Variants in CNOT4 observed in about 807,000 individuals in gnomAD.
CNOT4 encodes the protein CCR4-associated factor 4.
A neutral mutation model predicts 73.8 loss-of-function variants in CNOT4; 8 were observed. That is an observed-to-expected ratio of 0.11 (90% CI 0.06 to 0.20). CNOT4 has a LOEUF of 0.20. CNOT4 is among the 10% of genes least tolerant of loss of function. The pLI is 1.00. For synonymous variants in CNOT4, 293 were observed against 321.1 expected, an observed-to-expected ratio of 0.91 and a Z score of 0.94; for missense variants, 564 against 883.4, an observed-to-expected ratio of 0.64 and a Z score of 4.58.
rs1794676563 is a variant in CNOT4 at position 135,362,085 on chromosome 7, A to C, written c.*800T>G. 1 of 152,614 alleles carries C rather than the reference A, an allele frequency of 6.6e-6. No homozygotes were observed. Among genetic ancestry groups the C allele is most frequent in the Admixed American group, 6.5e-5 (1 of 15,290 alleles). The allele number at this position is 152,614 out of a possible 1,614,324, so 9.5% of individuals were successfully genotyped here. A position where few individuals can be genotyped will look rare whatever the true frequency, so the allele number is the denominator to read the frequency against. ...GGTAAAACAAAAAAGATTCCGACAG[A>C]GGAGAAGGACTGAAGAAATGACTTA... On this transcript the variant is annotated 3_prime_UTR_variant, in exon 12 of 12. Coordinates refer to ENST00000541284, the MANE Select transcript of CNOT4 (RefSeq NM_001190850.2).
chr7:135,460,820 G>A (rs770449100), intron 1 of CNOT4, among the ~76,000 whole-genome samples: 2 of 152,072 alleles, frequency 1.3e-5, no homozygotes, highest in African/African-American at 2.4e-5. Flanking sequence ...ACACAATAAG[G>A]CAACTTACGC....
At chr7:135,435,863 C>T (rs528227036) in intron 2 of CNOT4, among the ~76,000 whole-genome samples, 2 of 152,244 alleles carry the variant, frequency 1.3e-5, no homozygotes, top group Admixed American at 1.3e-4. Flanking sequence ...AACCTTAAGG[C>T]TCTGATTCAA....
rs111613964 is a variant in CNOT4, at chr7:135,481,427, C to T, written c.-93+28462G>A. On this transcript the variant is annotated intron_variant, in intron 1 of 11. Coordinates refer to ENST00000541284, the MANE Select transcript of CNOT4 (RefSeq NM_001190850.2). ...TAGAACGGATATTTCTTAAAACACA[C>T]GGACACACACACAATAACAGATGCT... Among the ~76,000 whole-genome samples the T allele has an allele frequency of 7.2e-5, 11 of 152,180 alleles. 1 individual carries two copies. Among genetic ancestry groups the T allele is most frequent in the East Asian group, 1.9e-4 (1 of 5,186 alleles).
At chr7:135,490,362 G>C (rs1325538325) in intron 1 of CNOT4, among the ~76,000 whole-genome samples, 1 of 152,200 alleles carries the variant, frequency 6.6e-6, no homozygotes, top group African/African-American at 2.4e-5. Context: ...ATGAGAAACA[G>C]AAGGGGCAAA....
chr7:135,363,783 G>A lies in CNOT4; in HGVS notation c.1840+71C>T. 2 of 1,272,232 alleles carry A rather than the reference G, an allele frequency of 1.6e-6. No individual in the cohort carries two copies. The highest frequency in any genetic ancestry group is 2.2e-6 in the Non-Finnish European group (2 of 919,370). 78.8% of individuals were successfully genotyped at this position (1,272,232 alleles called of 1,614,324 possible). On this transcript the variant is annotated intron_variant, in intron 11 of 11. Coordinates refer to ENST00000541284, the MANE Select transcript of CNOT4 (RefSeq NM_001190850.2). The surrounding 1 kb of genome is among the most constrained non-coding windows in gnomAD (Gnocchi z 4.3). ...AGCAGCTTATGTTGAAGAGATCTCG[G>A]TTTTTATTTAATCTGTGCTAAAAAC...
chr7:135,448,514 A>G, intron 1 of CNOT4, among the ~76,000 whole-genome samples: 1 of 140,376 alleles, frequency 7.1e-6, no homozygotes, highest in Non-Finnish European at 1.5e-5. Flanking sequence ...TGGGTGACAG[A>G]GCAACTCTGT....
At chr7:135,479,935 TATA>T (rs1178292434) in intron 1 of CNOT4, among the ~76,000 whole-genome samples, 1 of 152,024 alleles carries the variant, frequency 6.6e-6, no homozygotes, top group African/African-American at 2.4e-5. Context: ...TTATGTATTT[TATA>T]ATGAGAAAAA....
intron 10 of CNOT4, among the ~76,000 whole-genome samples, chr7:135,390,918 G>A (rs888614168): frequency 6.6e-6 from 1 of 152,040 alleles, no homozygotes; most frequent in African/African-American, 2.4e-5. Flanking sequence ...TAAAGTAGCA[G>A]GTCCCACTGA....
intron 1 of CNOT4, among the ~76,000 whole-genome samples, chr7:135,465,509 T>G (rs999129097): frequency 6.6e-6 from 1 of 152,236 alleles, no homozygotes; most frequent in Non-Finnish European, 1.5e-5. Flanking sequence ...TACACTACAC[T>G]TTTTATCATT....
intron 1 of CNOT4, among the ~76,000 whole-genome samples, chr7:135,502,472 G>A (rs1804045773): frequency 6.6e-6 from 1 of 152,224 alleles, no homozygotes; most frequent in South Asian, 2.1e-4. Flanking sequence ...CTACAAAGAA[G>A]TTCTGCCAAA....
At chr7:135,384,726 G>T (rs1331132215) in intron 10 of CNOT4, 1 of 765,048 alleles carries the variant, frequency 1.3e-6, no homozygotes, top group Non-Finnish European at 2.4e-6. Context: ...GCTCTGTAAG[G>T]TCTGCCTTTA....
At chr7:135,393,653 A>G (rs1796517538) in intron 10 of CNOT4, among the ~76,000 whole-genome samples, 1 of 152,176 alleles carries the variant, frequency 6.6e-6, no homozygotes, top group African/African-American at 2.4e-5. Flanking sequence ...GCATTTGTAT[A>G]CCATATGAAA....
intron 10 of CNOT4, among the ~76,000 whole-genome samples, chr7:135,380,783 A>T (rs979664314): frequency 1.3e-5 from 2 of 152,252 alleles, no homozygotes; most frequent in Non-Finnish European, 2.9e-5. Flanking sequence ...CTATAGACAA[A>T]TCACAATCCT....
intron 1 of CNOT4, among the ~76,000 whole-genome samples, chr7:135,480,833 A>G (rs1367051516): frequency 6.6e-6 from 1 of 151,820 alleles, no homozygotes; most frequent in African/African-American, 2.4e-5. Context: ...TGCCAAGAGC[A>G]TACACTGAAG....
chr7:135,410,938 G>A (rs1797557863), intron 6 of CNOT4, among the ~76,000 whole-genome samples: 1 of 151,706 alleles, frequency 6.6e-6, no homozygotes, highest in African/African-American at 2.4e-5. Context: ...GTACAGAAAA[G>A]CATATTAAGG....
intron 1 of CNOT4, among the ~76,000 whole-genome samples, chr7:135,488,667 G>A (rs772040028): frequency 9.9e-5 from 15 of 152,052 alleles, no homozygotes; most frequent in Admixed American, 5.9e-4. Flanking sequence ...CTCTTTCCTC[G>A]TATGTAACTT....
chr7:135,440,479 G>C (rs1799413257), intron 1 of CNOT4, among the ~76,000 whole-genome samples: 1 of 152,096 alleles, frequency 6.6e-6, no homozygotes, highest in Non-Finnish European at 1.5e-5. Flanking sequence ...TATTAGTATA[G>C]CCTGGATTCC....
chr7:135,398,267 C>A, intron 7 of CNOT4, 41 bp from the exon 8 acceptor site: 1 of 980,258 alleles, frequency 1.0e-6, no homozygotes, highest in Non-Finnish European at 1.6e-6. Flanking sequence ...AGAATATAGT[C>A]ATTCTCCTAC....
chr7:135,503,195 T>C (rs954795340), intron 1 of CNOT4, among the ~76,000 whole-genome samples: 1 of 152,100 alleles, frequency 6.6e-6, no homozygotes, highest in African/African-American at 2.4e-5. Context: ...CACAGCATAG[T>C]GGCTCACACC....
Sources: gnomAD v4.1 joint callset for allele counts (sites outside exome capture counted in the v4.1 genomes callset) on GRCh38, gnomAD v4.1.1 for gene constraint, Gnocchi (gnomAD v3.1) non-coding constraint, MANE v1.5 for transcripts, NCBI Gene and HGNC (gene_info 2026-07-23, HGNC 2026-07-21) for gene names.